Variants in LRP6 observed in about 807,000 individuals in gnomAD.
LRP6 encodes the protein LDL receptor related protein 6.
LRP6 carries 43 observed loss-of-function variants against 184.1 expected under a neutral mutation model. That is an observed-to-expected ratio of 0.23 (90% CI 0.18 to 0.30). LRP6 has a LOEUF of 0.30. Ranked by LOEUF, LRP6 falls within the 10% of genes least tolerant of loss-of-function variation. LRP6 has a pLI of 1.00. For synonymous variants in LRP6, 719 were observed against 684.9 expected, an observed-to-expected ratio of 1.05 and a Z score of -0.78; for missense variants, 1,571 against 2,005.3, an observed-to-expected ratio of 0.78 and a Z score of 4.14.
chr12:12,224,719 C>T (rs1864573148), intron 2 of LRP6, among the ~76,000 whole-genome samples: 1 of 152,152 alleles, frequency 6.6e-6, no homozygotes, highest in Non-Finnish European at 1.5e-5. Flanking sequence ...CTCAGTCTCA[C>T]TATAAGGATT....
chr12:12,131,330 T>G (rs568793182), intron 18 of LRP6, among the ~76,000 whole-genome samples: 51 of 151,700 alleles, frequency 3.4e-4, no homozygotes, highest in Admixed American at 1.4e-3. Flanking sequence ...GGATGGTCTC[T>G]ATCTCCTGAC....
At chr12:12,257,779 CAAAAAAAAAAAAAAAAA>C (rs1163180718) in intron 1 of LRP6, among the ~76,000 whole-genome samples, 23 of 35,320 alleles carry the variant, frequency 6.5e-4, no homozygotes, top group South Asian at 2.3e-3. Flanking sequence ...CCTGTCTCTA[CAAAAAAAAAAAAAAAAA>C]AAAAAAAAAA....
chr12:12,266,537 T>G, intron 1 of LRP6, 144 bp downstream of exon 1: 13 of 738,416 alleles, frequency 1.8e-5, no homozygotes, highest in Non-Finnish European at 2.5e-5. Context: ...CCGGGCCCCT[T>G]TCTCTCCCCC....
chr12:12,229,513 A>T (rs1368619118), intron 2 of LRP6, among the ~76,000 whole-genome samples: 1 of 152,256 alleles, frequency 6.6e-6, no homozygotes, highest in Non-Finnish European at 1.5e-5. Context: ...TTCAAAAAAT[A>T]AATAATAATT....
At chr12:12,149,714 T>C (rs941946217) in intron 13 of LRP6, among the ~76,000 whole-genome samples, 4 of 152,214 alleles carry the variant, frequency 2.6e-5, no homozygotes, top group African/African-American at 9.6e-5. Flanking sequence ...TGAGAAACCC[T>C]GCTCTAGAGA....
At chr12:12,248,477 T>C (rs1283484047) in intron 1 of LRP6, among the ~76,000 whole-genome samples, 2 of 125,552 alleles carry the variant, frequency 1.6e-5, no homozygotes, top group Non-Finnish European at 3.3e-5. Context: ...TACTCTTTTT[T>C]TTTTTTTTTT....
chr12:12,180,090 G>T, intron 6 of LRP6, 109 bp from the exon 7 acceptor site: 1 of 824,590 alleles, frequency 1.2e-6, no homozygotes, highest in Non-Finnish European at 1.9e-6. Context: ...ATCAGTTAAT[G>T]CCAAGGAAGG....
At chr12:12,132,952 G>C (rs1274410157) in intron 17 of LRP6, among the ~76,000 whole-genome samples, 2 of 152,170 alleles carry the variant, frequency 1.3e-5, no homozygotes, top group Admixed American at 6.5e-5. Flanking sequence ...ATTATCTAGA[G>C]AACCCATAAC....
chr12:12,119,986 ACAAAATATATATATATAT>A lies in LRP6; in HGVS notation c.*1122_*1139del, dbSNP rs1191250632. ...TTTTACTCAGAAAACAAACAAACAA[ACAAAATATATATATATAT>A]ATATATATATATATATATATATATA... On this transcript the variant is annotated 3_prime_UTR_variant, in exon 23 of 23. Coordinates refer to ENST00000261349, the MANE Select transcript of LRP6 (RefSeq NM_002336.3). 5.5e-5 allele frequency: 6 copies of A among 109,572 alleles called. No individual in the cohort carries two copies. The highest frequency in any genetic ancestry group is 2.0e-4 in the African/African-American group (6 of 29,824). 6.8% of individuals were successfully genotyped at this position (109,572 alleles called of 1,614,324 possible).
intron 9 of LRP6, among the ~76,000 whole-genome samples, chr12:12,163,295 G>A (rs1335892596): frequency 1.3e-5 from 2 of 151,930 alleles, no homozygotes; most frequent in African/African-American, 2.4e-5. Flanking sequence ...TTTTCAAGAT[G>A]AGGAAATTTA....
chr12:12,135,163 C>A lies in LRP6; in HGVS notation c.3733+12G>T. The A allele has an allele frequency of 6.2e-7, 1 of 1,613,712 alleles. No homozygotes were observed. Among genetic ancestry groups the A allele is most frequent in the African/African-American group, 1.3e-5 (1 of 74,998 alleles). ...CATTTAGGGTTGCACAAGAAAATTA[C>A]AACATATTTACCTCCACATGATAGC... On this transcript the variant is annotated intron_variant, in intron 17 of 22. Transcript: ENST00000261349.
rs1865269367 is a variant in LRP6, at chr12:12,249,502, C to T, written c.56-4847G>A. ...GAAAAACCACAGGCCCTTCCTCTTC[C>T]CCCTCATTCAATTTAAGCAGTCTTC... is the stretch of plus-strand genomic sequence containing the variant. On this transcript the variant is annotated intron_variant, in intron 1 of 22. Transcript: ENST00000261349. 4.9e-6 allele frequency: 3 copies of T among 617,506 alleles called. No individual in the cohort carries two copies. In the East Asian group the frequency reaches 7.9e-5, roughly 16 times the overall value. 38.3% of individuals were successfully genotyped at this position (617,506 alleles called of 1,614,324 possible). A position where few individuals can be genotyped will look rare whatever the true frequency, so the allele number is the denominator to read the frequency against.
chr12:12,163,592 G>A (rs1273952112), intron 9 of LRP6, among the ~76,000 whole-genome samples: 1 of 152,060 alleles, frequency 6.6e-6, no homozygotes, highest in Non-Finnish European at 1.5e-5. Flanking sequence ...GGCCTTTTCC[G>A]CCTCAGTCAG....
chr12:12,130,422 G>A (rs576738413), intron 19 of LRP6, among the ~76,000 whole-genome samples: 3 of 151,904 alleles, frequency 2.0e-5, no homozygotes, highest in Non-Finnish European at 4.4e-5. Context: ...CTGACCTCAA[G>A]TGATCCGCCC....
At chr12:12,133,279 T>C (rs918871524) in intron 17 of LRP6, among the ~76,000 whole-genome samples, 6 of 152,148 alleles carry the variant, frequency 3.9e-5, no homozygotes, top group African/African-American at 1.2e-4. Flanking sequence ...CATGTTGAAA[T>C]GTAATCCCCA....
intron 16 of LRP6, among the ~76,000 whole-genome samples, chr12:12,137,755 T>C (rs1949864754): frequency 2.0e-5 from 3 of 152,208 alleles, no homozygotes; most frequent in African/African-American, 7.2e-5. Context: ...GTCATTGTTG[T>C]ACCAGGAAAT....
rs770770249 is a variant in LRP6 at position 12,149,098 on chromosome 12, T to C, written c.3050A>G (p.Tyr1017Cys). The change falls in exon 14 of 23, where the codon TAT becomes TGT. Residue 1017 changes from tyrosine (Y) to cysteine (C), a missense_variant. Physicochemically the swap from Tyr to Cys is radical, Grantham distance 194 (BLOSUM62 -2). Around this residue, in one of 4 missense-constraint regions of LRP6, gnomAD observed 763 missense variants for 859.5 expected, o/e 0.89. Coordinates refer to ENST00000261349, the MANE Select transcript of LRP6 (RefSeq NM_002336.3). ...GCTGTAAATATCAATGCTGAGGTCA[T>C]AGGGTTGTATTTCCAGGTTCTGACT... ...VPSQNLEIQP[Y>C]DLSIDIYSRY... 16 of 1,613,990 alleles carry C rather than the reference T, an allele frequency of 9.9e-6. No individual in the cohort carries two copies. Among genetic ancestry groups the C allele is most frequent in the African/African-American group, 2.7e-5 (2 of 74,980 alleles).
intron 2 of LRP6, among the ~76,000 whole-genome samples, chr12:12,219,188 T>G (rs765714680): frequency 9.2e-5 from 14 of 152,128 alleles, no homozygotes; most frequent in Non-Finnish European, 1.3e-4. Flanking sequence ...TACTCTTAAC[T>G]GTCTACCCCT....
At chr12:12,173,096 C>T (rs1290218364) in intron 7 of LRP6, among the ~76,000 whole-genome samples, 1 of 152,132 alleles carries the variant, frequency 6.6e-6, no homozygotes, top group Non-Finnish European at 1.5e-5. Context: ...AAAATTGCTA[C>T]TGTGACCAAA....
Sources: gnomAD v4.1 joint callset for allele counts (sites outside exome capture counted in the v4.1 genomes callset) on GRCh38, gnomAD v4.1.1 for gene constraint, gnomAD v4.1.1 regional missense constraint, MANE v1.5 for transcripts, NCBI Gene and HGNC (gene_info 2026-07-23, HGNC 2026-07-21) for gene names.